Variants in LRGUK observed in about 807,000 individuals in gnomAD.
LRGUK encodes the protein leucine-rich repeat and guanylate kinase domain-containing protein.
A neutral mutation model predicts 76.0 loss-of-function variants in LRGUK; 65 were observed. That is an observed-to-expected ratio of 0.85 (90% CI 0.70 to 1.05). LRGUK has a LOEUF of 1.05. Ranked by LOEUF, LRGUK falls within the 50% of genes least tolerant of loss-of-function variation. LRGUK has a pLI of 0.00. For missense variants in LRGUK, 758 were observed against 732.8 expected (o/e 1.03, Z -0.40); for synonymous variants, 268 against 265.6 (o/e 1.01, Z -0.09).
rs112707564 is a variant in LRGUK at position 134,185,543 on chromosome 7, A to AT, written c.1334+1699dup. Among the ~76,000 whole-genome samples the AT allele has an allele frequency of 2.5e-4, 38 of 150,474 alleles. No individual in the cohort carries two copies. The East Asian group carries it at 5.1e-3, about 20-fold the overall frequency. On this transcript the variant is annotated intron_variant, in intron 11 of 15. Transcript: ENST00000645682. ...ACTCTGTCTCAAAAAAAAAAAAAAG[A>AT]TTTTTTTTTAGAGGTTTTGGTGAAT...
intron 15 of LRGUK, 73 bp from the exon 16 acceptor site, chr7:134,221,706 A>G: frequency 8.1e-7 from 1 of 1,233,930 alleles, no homozygotes; most frequent in South Asian, 2.2e-5. Context: ...AAATAAAAAT[A>G]TAAAACATTT....
chr7:134,232,723 C>T (rs963220682), intron 16 of LRGUK, among the ~76,000 whole-genome samples: 2 of 152,130 alleles, frequency 1.3e-5, no homozygotes, highest in Non-Finnish European at 1.5e-5. Flanking sequence ...GATTGCTACT[C>T]CAATCATTTA....
intron 19 of LRGUK, among the ~76,000 whole-genome samples, chr7:134,259,067 T>A (rs1321917447): frequency 6.6e-6 from 1 of 152,164 alleles, no homozygotes; most frequent in African/African-American, 2.4e-5. Context: ...GCATGGAGGC[T>A]TTGAGTTGCA....
At chr7:134,165,637 C>G (rs960402512) in intron 7 of LRGUK, among the ~76,000 whole-genome samples, 1 of 152,190 alleles carries the variant, frequency 6.6e-6, no homozygotes, top group Non-Finnish European at 1.5e-5. Flanking sequence ...TACATACAAA[C>G]TTATTGATGA....
intron 7 of LRGUK, among the ~76,000 whole-genome samples, chr7:134,167,781 A>G (rs1585479142): frequency 6.6e-6 from 1 of 152,110 alleles, no homozygotes; most frequent in South Asian, 2.1e-4. Context: ...CTTCAAATAA[A>G]TTCACTTCAT....
At chr7:134,219,820 G>C (rs975241528) in intron 15 of LRGUK, among the ~76,000 whole-genome samples, 1 of 151,894 alleles carries the variant, frequency 6.6e-6, no homozygotes, top group Non-Finnish European at 1.5e-5. Flanking sequence ...GTCTGATCTA[G>C]TTTCCCCCAG....
intron 5 of LRGUK, among the ~76,000 whole-genome samples, chr7:134,157,139 A>G (rs1798499204): frequency 1.3e-5 from 2 of 152,236 alleles, no homozygotes; most frequent in African/African-American, 4.8e-5. Context: ...AATTTAACGG[A>G]TGAAGAAAGT....
chr7:134,190,906 G>T, intron 11 of LRGUK, among the ~76,000 whole-genome samples: 1 of 148,148 alleles, frequency 6.8e-6, no homozygotes, highest in Non-Finnish European at 1.5e-5. Flanking sequence ...GACAGTAGTT[G>T]AGCGGTAAGC....
At chr7:134,135,680 G>A (rs1330918286) in intron 1 of LRGUK, among the ~76,000 whole-genome samples, 1 of 152,182 alleles carries the variant, frequency 6.6e-6, no homozygotes, top group Non-Finnish European at 1.5e-5. Flanking sequence ...CATGCAGGTG[G>A]TATTTACTTC....
chr7:134,227,742 C>T (rs960493554), intron 16 of LRGUK, among the ~76,000 whole-genome samples: 1 of 151,936 alleles, frequency 6.6e-6, no homozygotes, highest in African/African-American at 2.4e-5. Context: ...ATTATAAAAC[C>T]TGGGGGGAAA....
At chr7:134,274,678 T>C in the LRGUK span, among the ~76,000 whole-genome samples, 7,364 of 152,226 alleles carry the variant, frequency 0.048, 470 homozygotes, top group African/African-American at 0.15. Flanking sequence ...CACAGGACTA[T>C]TATATTGCAA....
intron 7 of LRGUK, among the ~76,000 whole-genome samples, chr7:134,172,852 A>G (rs1799314472): frequency 6.6e-6 from 1 of 151,990 alleles, no homozygotes; most frequent in Non-Finnish European, 1.5e-5. Context: ...TTGGCAGTGC[A>G]CACTTGTAGT....
chr7:134,143,058 G>C lies in LRGUK; in HGVS notation c.488-4G>C. The C allele has an allele frequency of 1.3e-6, 2 of 1,514,280 alleles. No homozygotes were observed. The highest frequency in any genetic ancestry group is 1.8e-6 in the Non-Finnish European group (2 of 1,090,150). 93.8% of individuals were successfully genotyped at this position (1,514,280 alleles called of 1,614,324 possible). ...CCTTATTCTGTATCTGTTTCCCTCC[G>C]TAGATTTATCTTGTGTGAGTTGTAT... On this transcript the variant is annotated splice_polypyrimidine_tract_variant and splice_region_variant and intron_variant, in intron 3 of 15. Transcript: ENST00000645682.
intron 11 of LRGUK, among the ~76,000 whole-genome samples, chr7:134,188,058 T>TATTC (rs1344542536): frequency 6.6e-6 from 1 of 152,250 alleles, no homozygotes; most frequent in Non-Finnish European, 1.5e-5. Flanking sequence ...ATGGTTCATT[T>TATTC]ATTCATTCAA....
At chr7:134,263,623 CTTTTTTT>C (rs59840547) in intron 19 of LRGUK, among the ~76,000 whole-genome samples, 12 of 114,006 alleles carry the variant, frequency 1.1e-4, no homozygotes, top group East Asian at 5.1e-4. Context: ...TCATTTCTTT[CTTTTTTT>C]TTTTTTTTTT....
At chr7:134,211,152 T>C (rs186972715), downstream of LRGUK, among the ~76,000 whole-genome samples, 337 of 152,350 alleles carry the variant, frequency 2.2e-3, no homozygotes, top group Non-Finnish European at 3.5e-3. Flanking sequence ...GCAGCCAATC[T>C]GCACTCCTGT....
chr7:134,225,154 C>G (rs566525602), intron 16 of LRGUK, among the ~76,000 whole-genome samples: 35 of 141,810 alleles, frequency 2.5e-4, no homozygotes, highest in African/African-American at 8.9e-4. Flanking sequence ...AAAAAACCCA[C>G]TCTGTGCTCC....
chr7:134,249,813 T>C (rs562233034), intron 18 of LRGUK, among the ~76,000 whole-genome samples: 46 of 152,224 alleles, frequency 3.0e-4, no homozygotes, highest in Non-Finnish European at 6.0e-4. Flanking sequence ...ATTTTGTTTC[T>C]CCTTCAGTTG....
chr7:134,127,662 G>T lies in LRGUK; in HGVS notation c.295G>T (p.Glu99Ter). The T allele has an allele frequency of 6.2e-7, 1 of 1,611,772 alleles. No homozygotes were observed. Among genetic ancestry groups the T allele is most frequent in the Non-Finnish European group, 8.5e-7 (1 of 1,178,960 alleles). ...CTCAGAGTCCGAAATGCTGAATTTGGAGGTGTGTCTTCCCCCCCACCCCGT... is the reference window on the plus strand; with the variant it reads ...CTCAGAGTCCGAAATGCTGAATTTGTAGGTGTGTCTTCCCCCCCACCCCGT... The change falls in exon 1 of 16, where the codon GAG (glutamate) becomes TAG (stop). Residue 99 changes from glutamate (E) to a stop codon, truncating the protein, a stop_gained and splice_region_variant. Coordinates refer to ENST00000645682, the Ensembl canonical transcript of LRGUK. LOFTEE classifies it high-confidence loss of function.
Sources: gnomAD v4.1 joint callset for allele counts (sites outside exome capture counted in the v4.1 genomes callset) on GRCh38, gnomAD v4.1.1 for gene constraint, MANE v1.5 for transcripts, NCBI Gene and HGNC (gene_info 2026-07-23, HGNC 2026-07-21) for gene names.